Variants in PCDH15 observed in about 807,000 individuals in gnomAD.
PCDH15 encodes protocadherin related 15.
In PCDH15, 129 loss-of-function variants were observed where a neutral mutation model predicts 178.5. That is an observed-to-expected ratio of 0.72 (90% confidence interval 0.63 to 0.84). PCDH15 has a LOEUF of 0.84. PCDH15 is among the 40% of genes least tolerant of loss of function. The probability of loss-of-function intolerance (pLI) is 0.00; values close to 1 mark genes in which losing one functional copy is unlikely to be tolerated. For synonymous variants in PCDH15, 800 were observed against 732.0 expected, an observed-to-expected ratio of 1.09 and a Z score of -1.50; for missense variants, 2,230 against 2,099.9, an observed-to-expected ratio of 1.06 and a Z score of -1.21.
At chr10:55,068,822 C>A (rs1417798952) in intron 2 of PCDH15, among the ~76,000 whole-genome samples, 1 of 151,540 alleles carries the variant, frequency 6.6e-6, no homozygotes, top group Admixed American at 6.6e-5. Context: ...ATCTCTTTCA[C>A]CTTTTTGATT....
At chr10:55,156,357 T>TTG (rs1306710175) in intron 2 of PCDH15, among the ~76,000 whole-genome samples, 1 of 152,100 alleles carries the variant, frequency 6.6e-6, no homozygotes, top group African/African-American at 2.4e-5. Context: ...GTACTGATGG[T>TTG]TGTGGTCTTT....
chr10:55,333,087 C>T (rs79586640), intron 2 of PCDH15, among the ~76,000 whole-genome samples: 2 of 152,240 alleles, frequency 1.3e-5, no homozygotes, highest in East Asian at 1.9e-4. Context: ...ATAGAGTCAA[C>T]AAATATAATA....
At chr10:55,138,851 T>C (rs140378456) in intron 2 of PCDH15, among the ~76,000 whole-genome samples, 3 of 152,150 alleles carry the variant, frequency 2.0e-5, no homozygotes, top group East Asian at 1.9e-4. Flanking sequence ...TAGAATTTCA[T>C]GAAAATTGAA....
At chr10:54,675,845 A>C (rs1042937203) in intron 1 of PCDH15, among the ~76,000 whole-genome samples, 1 of 152,200 alleles carries the variant, frequency 6.6e-6, no homozygotes, top group Non-Finnish European at 1.5e-5. Flanking sequence ...AGCTTAGCCC[A>C]GATTAGCATT....
chr10:54,646,337 A>T (rs1316678219), intron 2 of PCDH15, among the ~76,000 whole-genome samples: 2 of 152,116 alleles, frequency 1.3e-5, no homozygotes, highest in African/African-American at 4.8e-5. Flanking sequence ...GCAGGACTTG[A>T]GTATATATGG....
At chr10:54,247,935 A>AATATATATATATAT (rs147562225) in intron 8 of PCDH15, among the ~76,000 whole-genome samples, 14 of 139,396 alleles carry the variant, frequency 1.0e-4, no homozygotes, top group African/African-American at 3.7e-4. Flanking sequence ...TGCATGAAAG[A>AATATATATATATAT]ATATATATAT....
chr10:53,822,920 G>A (rs1192447733), intron 32 of PCDH15: 5 of 1,614,048 alleles, frequency 3.1e-6, no homozygotes, highest in Non-Finnish European at 2.5e-6. Context: ...TCTGCCTGGT[G>A]CCTTGCCACT....
intron 1 of PCDH15, among the ~76,000 whole-genome samples, chr10:55,314,355 G>A (rs1038517696): frequency 2.0e-5 from 3 of 151,558 alleles, no homozygotes; most frequent in Middle Eastern, 3.2e-3. Context: ...GTGGGAAAAA[G>A]GACATTTAAC....
intron 11 of PCDH15, among the ~76,000 whole-genome samples, chr10:54,186,168 G>GC (rs1423415004): frequency 6.6e-6 from 1 of 151,982 alleles, no homozygotes; most frequent in African/African-American, 2.4e-5. Flanking sequence ...TATTATGAAG[G>GC]CTTTGAAAAA....
In PCDH15 at chr10:54,758,543, C is replaced by T. The variant is rs200039646; in HGVS notation, c.-29+42382G>A. Among the ~76,000 whole-genome samples, 145 of 152,302 alleles carry T rather than the reference C, an allele frequency of 9.5e-4. No individual in the cohort carries two copies. The East Asian group carries it at 0.011, about 11-fold the overall frequency. ...TCATAAATCGAGCAGCCTCTATATA[C>T]ACAATATGTATATAATTTTGAGTAT... On this transcript the variant is annotated intron_variant, in intron 1 of 37. Transcript: ENST00000644397.
At chr10:53,924,532 C>T (rs773813800) in intron 25 of PCDH15, among the ~76,000 whole-genome samples, 1 of 152,244 alleles carries the variant, frequency 6.6e-6, no homozygotes, top group African/African-American at 2.4e-5. Context: ...GGCACCTGGT[C>T]CCATCAACCG....
chr10:55,265,033 C>T (rs762837880), intron 1 of PCDH15, among the ~76,000 whole-genome samples: 3 of 152,030 alleles, frequency 2.0e-5, no homozygotes, highest in Non-Finnish European at 4.4e-5. Context: ...AGTTGAGAAG[C>T]CAGCTCCCAC....
intron 3 of PCDH15, among the ~76,000 whole-genome samples, chr10:54,887,707 T>A (rs1954383396): frequency 6.6e-6 from 1 of 152,060 alleles, no homozygotes; most frequent in Non-Finnish European, 1.5e-5. Flanking sequence ...ATGCTTACCA[T>A]GCAATGCTAT....
chr10:53,832,540 T>C (rs907444634), intron 29 of PCDH15, among the ~76,000 whole-genome samples: 1 of 151,924 alleles, frequency 6.6e-6, no homozygotes, highest in African/African-American at 2.4e-5. Context: ...CAGACAGTCA[T>C]AATCACTTCT....
At chr10:53,807,248 C>CAAGAGAGAT in intron 37 of PCDH15, 118 bp from the exon 38 acceptor site, 3 of 803,408 alleles carry the variant, frequency 3.7e-6, no homozygotes, top group Non-Finnish European at 5.7e-6. Flanking sequence ...GTAAATCACT[C>CAAGAGAGAT]AAGAGAGATA....
intron 23 of PCDH15, among the ~76,000 whole-genome samples, chr10:53,942,867 C>T (rs2086193141): frequency 6.6e-6 from 1 of 152,098 alleles, no homozygotes; most frequent in Non-Finnish European, 1.5e-5. Context: ...TGTTTTAACC[C>T]ATTAAGTTCA....
chr10:53,817,979 A>C lies in PCDH15; in HGVS notation c.4452+16T>G, dbSNP rs1413233216. The C allele has an allele frequency of 2.5e-6, 1 of 398,626 alleles. No homozygotes were observed. The highest frequency in any genetic ancestry group is 4.4e-5 in the Admixed American group (1 of 22,692). 24.7% of individuals were successfully genotyped at this position (398,626 alleles called of 1,614,324 possible). On this transcript the variant is annotated intron_variant, in intron 34 of 37. Transcript: ENST00000644397. ...CTAGTATGCTTGTTACGACATCAAC[A>C]CCATAAAGCCCTTACCTCTGATCCA...
At chr10:53,931,603 G>T (rs759358996) in intron 25 of PCDH15, among the ~76,000 whole-genome samples, 7,100 of 152,094 alleles carry the variant, frequency 0.047, 505 homozygotes, top group African/African-American at 0.16. Context: ...TGAAAATATA[G>T]AATTATAAAA....
At chr10:55,040,185 G>A (rs2131975955) in intron 2 of PCDH15, among the ~76,000 whole-genome samples, 1 of 152,138 alleles carries the variant, frequency 6.6e-6, no homozygotes, top group Admixed American at 6.6e-5. Context: ...GTGCTCTTGT[G>A]GTTGTGCTCT....
Sources: gnomAD v4.1 joint callset for allele counts (sites outside exome capture counted in the v4.1 genomes callset) on GRCh38, gnomAD v4.1.1 for gene constraint, MANE v1.5 for transcripts, NCBI Gene and HGNC (gene_info 2026-07-23, HGNC 2026-07-21) for gene names.